Variants in TENM2 observed in about 807,000 individuals in gnomAD.
The protein encoded by TENM2 is teneurin-2.
TENM2 carries 52 observed loss-of-function variants against 245.2 expected under a neutral mutation model. That is an observed-to-expected ratio of 0.21 (90% CI 0.17 to 0.27). The LOEUF (loss-of-function observed/expected upper bound fraction) is 0.27, where lower values mean the gene tolerates loss of function less well. TENM2 is among the 10% of genes least tolerant of loss of function. The probability of loss-of-function intolerance (pLI) is 1.00; values close to 1 mark genes in which losing one functional copy is unlikely to be tolerated. For missense variants in TENM2, 3,046 were observed against 3,666.8 expected (o/e 0.83, Z 4.37); for synonymous variants, 1,363 against 1,438.9 (o/e 0.95, Z 1.19).
the TENM2 span, among the ~76,000 whole-genome samples, chr5:167,081,059 G>A: frequency 1.3e-5 from 2 of 151,872 alleles, no homozygotes; most frequent in African/African-American, 4.8e-5. Context: ...AAATTGAGAA[G>A]TTTATCTTGG....
Position 167,787,844 on chromosome 5 carries a change from G to A in TENM2, c.503-88142G>A, listed in dbSNP as rs76012891. On this transcript the variant is annotated intron_variant, in intron 2 of 28. Coordinates refer to ENST00000518659, the Ensembl canonical transcript of TENM2. ...GAAAACTAGAGGATTGTTGGTGAAG[G>A]TAGAAGGTGGTAGATGAGAGTTCAC... Among the ~76,000 whole-genome samples, 810 of 152,270 alleles carry A rather than the reference G, an allele frequency of 5.3e-3. 9 individuals carry two copies. Among genetic ancestry groups the A allele is most frequent in the African/African-American group, 0.019 (776 of 41,538 alleles).
chr5:167,857,440 G>A (rs1411884460), intron 2 of TENM2, among the ~76,000 whole-genome samples: 2 of 152,234 alleles, frequency 1.3e-5, no homozygotes, highest in African/African-American at 2.4e-5. Flanking sequence ...CTTCCCCTAG[G>A]CAGCTCAGTG....
At chr5:167,557,229 A>G (rs1773316192) in intron 2 of TENM2, among the ~76,000 whole-genome samples, 1 of 152,228 alleles carries the variant, frequency 6.6e-6, no homozygotes, top group South Asian at 2.1e-4. Flanking sequence ...TAATTTTAAT[A>G]TAAAAATCTT....
chr5:167,232,520 CT>C, the TENM2 span, among the ~76,000 whole-genome samples: 1 of 151,910 alleles, frequency 6.6e-6, no homozygotes, highest in Admixed American at 6.6e-5. Flanking sequence ...TTACAGGCCC[CT>C]GCCACTGCTG....
chr5:168,077,835 C>T (rs1791618360), intron 7 of TENM2, among the ~76,000 whole-genome samples: 1 of 152,086 alleles, frequency 6.6e-6, no homozygotes, highest in African/African-American at 2.4e-5. Flanking sequence ...CATTGATGGA[C>T]ATTTGGCTTG....
rs113857423 is a variant in TENM2, at chr5:168,143,118, A to C, written c.2422+16152A>C. ...GGAGTAGCCAAGGGGCTCACCAAGT[A>C]AATAAAGGGTTTCTCTTGAGTTTTG... On this transcript the variant is annotated intron_variant, in intron 12 of 28. Coordinates refer to ENST00000518659, the Ensembl canonical transcript of TENM2. 6.4e-3 allele frequency among the ~76,000 whole-genome samples: 979 copies of C among 152,284 alleles called. 4 individuals are homozygous for C. Among genetic ancestry groups the C allele is most frequent in the Non-Finnish European group, 0.01 (692 of 68,022 alleles).
chr5:167,820,557 C>T (rs995529117), intron 2 of TENM2, among the ~76,000 whole-genome samples: 1 of 152,170 alleles, frequency 6.6e-6, no homozygotes, highest in Middle Eastern at 3.2e-3. Flanking sequence ...CCTCACTTGG[C>T]TTTTGGAGAA....
chr5:167,543,289 A>T (rs1480787055), intron 2 of TENM2, among the ~76,000 whole-genome samples: 1 of 152,182 alleles, frequency 6.6e-6, no homozygotes, highest in Non-Finnish European at 1.5e-5. Flanking sequence ...ACCTAGGCCC[A>T]GAAGTTGTCC....
At chr5:167,601,210 A>T (rs1449220681) in intron 2 of TENM2, among the ~76,000 whole-genome samples, 1 of 152,262 alleles carries the variant, frequency 6.6e-6, no homozygotes, top group Non-Finnish European at 1.5e-5. Context: ...CTTGCTTGCC[A>T]TTGGAGAGTG....
chr5:167,431,300 G>T (rs1764205923), intron 2 of TENM2, among the ~76,000 whole-genome samples: 1 of 152,126 alleles, frequency 6.6e-6, no homozygotes, highest in South Asian at 2.1e-4. Context: ...ATTTTCAGAA[G>T]AGATACAAAA....
At chr5:167,576,368 A>G (rs1385232782) in intron 2 of TENM2, among the ~76,000 whole-genome samples, 1 of 151,530 alleles carries the variant, frequency 6.6e-6, no homozygotes, top group Non-Finnish European at 1.5e-5. Context: ...GAAATGCAGT[A>G]GACTTATAAA....
intron 3 of TENM2, among the ~76,000 whole-genome samples, chr5:167,879,436 G>A (rs752311351): frequency 4.6e-5 from 7 of 152,104 alleles, no homozygotes; most frequent in Non-Finnish European, 7.3e-5. Context: ...GGTTGCTCCA[G>A]ATATGTTTCT....
intron 2 of TENM2, among the ~76,000 whole-genome samples, chr5:167,715,422 T>C (rs973520968): frequency 1.3e-5 from 2 of 152,134 alleles, no homozygotes; most frequent in African/African-American, 2.4e-5. Context: ...ATGAAGGGGC[T>C]ATAGAGGCCA....
intron 5 of TENM2, among the ~76,000 whole-genome samples, chr5:168,036,693 A>G (rs1291504068): frequency 8.7e-6 from 1 of 115,536 alleles, no homozygotes; most frequent in African/African-American, 4.4e-5. Flanking sequence ...ATATATATAT[A>G]TATATATGTA....
chr5:167,583,171 A>G (rs1463946663), intron 2 of TENM2, among the ~76,000 whole-genome samples: 1 of 152,212 alleles, frequency 6.6e-6, no homozygotes, highest in African/African-American at 2.4e-5. Context: ...GCAGGGATTC[A>G]GATTTCATTC....
In TENM2 at chr5:168,210,086, G is replaced by A. The variant is rs148364276; in HGVS notation, c.3825-1648G>A. Among the ~76,000 whole-genome samples, 39 of 152,226 alleles carry A rather than the reference G, an allele frequency of 2.6e-4. 1 individual carries two copies. The East Asian group carries it at 6.8e-3, about 26-fold the overall frequency. ...TTAAAACCATGCACACAAAGCCTAG[G>A]CCTATCCCTTGTAAGTAGGACATCT... On this transcript the variant is annotated intron_variant, in intron 19 of 28. Coordinates refer to ENST00000518659, the Ensembl canonical transcript of TENM2.
At chr5:167,863,003 G>T (rs755039042) in intron 2 of TENM2, among the ~76,000 whole-genome samples, 2 of 152,168 alleles carry the variant, frequency 1.3e-5, no homozygotes, top group Middle Eastern at 3.2e-3. Flanking sequence ...CTCCAACATT[G>T]CAATGACTCT....
intron 2 of TENM2, among the ~76,000 whole-genome samples, chr5:167,612,151 T>G (rs1777516817): frequency 6.6e-6 from 1 of 152,164 alleles, no homozygotes; most frequent in African/African-American, 2.4e-5. Context: ...TTCCAGTGTC[T>G]GACTCTGTTC....
At chr5:168,239,174 C>T (rs1466932652) in intron 25 of TENM2, among the ~76,000 whole-genome samples, 3 of 152,122 alleles carry the variant, frequency 2.0e-5, no homozygotes, top group African/African-American at 7.2e-5. Flanking sequence ...CATCTCGCAC[C>T]CACAGCCGGG....
Sources: gnomAD v4.1 joint callset for allele counts (sites outside exome capture counted in the v4.1 genomes callset) on GRCh38, gnomAD v4.1.1 for gene constraint, MANE v1.5 for transcripts, NCBI Gene and HGNC (gene_info 2026-07-23, HGNC 2026-07-21) for gene names.